STK38L: variants seen among roughly 807,000 people sequenced by gnomAD.
STK38L encodes the protein serine/threonine-protein kinase 38-like.
A neutral mutation model predicts 59.7 loss-of-function variants in STK38L; 28 were observed. The observed-to-expected ratio is 0.47, with a 90% confidence interval of 0.35 to 0.64. The LOEUF (loss-of-function observed/expected upper bound fraction) is 0.64. STK38L is among the 30% of genes least tolerant of loss of function. STK38L has a pLI of 0.01. For synonymous variants in STK38L, 162 were observed against 176.8 expected (o/e 0.92, Z 0.66); for missense variants, 314 against 555.8 (o/e 0.56, Z 4.37).
intron 1 of STK38L, among the ~76,000 whole-genome samples, chr12:27,284,327 C>T (rs1301805497): frequency 1.3e-5 from 2 of 152,134 alleles, no homozygotes; most frequent in African/African-American, 4.8e-5. Flanking sequence ...TGGACTAATC[C>T]AAGGTTTTCC....
intron 2 of STK38L, among the ~76,000 whole-genome samples, chr12:27,301,145 C>G (rs774405700): frequency 2.0e-5 from 3 of 152,224 alleles, no homozygotes; most frequent in Non-Finnish European, 4.4e-5. Context: ...CCACACTGCC[C>G]TTACCCCAGA....
At position 27,322,377 on chromosome 12, in the gene STK38L, C is replaced by T. The variant is rs762734139; in HGVS notation, c.1317C>T (p.Leu439=). Residue 439 remains leucine, a synonymous_variant, in exon 14 of 14, where the codon CTC becomes CTT. Coordinates refer to ENST00000389032, the MANE Select transcript of STK38L (RefSeq NM_015000.4). ...ACAAATCCAAAGACTGGGTTTTTCT[C>T]AATTATACCTATAAAAGGTTTGAAG... The part of the protein sequence containing the change: ...PDYKSKDWVF[L]NYTYKRFEGL... 1 of 1,614,014 alleles carries T rather than the reference C, an allele frequency of 6.2e-7. No homozygotes were observed. Among genetic ancestry groups the T allele is most frequent in the Non-Finnish European group, 8.5e-7 (1 of 1,179,948 alleles).
rs540099591 is a variant in STK38L at position 27,309,058 on chromosome 12, T to C, written c.310-56T>C. ...TGCTTTCTTTAAGGGAAGTTACTTT[T>C]CTTTCCTGAACAAATAGTAGTGACT... On this transcript the variant is annotated intron_variant, in intron 4 of 13. Coordinates refer to ENST00000389032, the MANE Select transcript of STK38L (RefSeq NM_015000.4). 8.9e-5 allele frequency: 116 copies of C among 1,299,340 alleles called. 4 individuals carry two copies. In the South Asian group the frequency reaches 2.2e-3, roughly 25 times the overall value. The allele number at this position is 1,299,340 out of a possible 1,614,324, so 80.5% of individuals were successfully genotyped here.
At chr12:27,267,586 A>AT in intron 1 of STK38L, among the ~76,000 whole-genome samples, 1 of 152,276 alleles carries the variant, frequency 6.6e-6, no homozygotes, top group East Asian at 1.9e-4. Context: ...GTGCAGGAGT[A>AT]TTTTTACAGT....
At chr12:27,265,536 T>C (rs1215432300) in intron 1 of STK38L, among the ~76,000 whole-genome samples, 1 of 152,230 alleles carries the variant, frequency 6.6e-6, no homozygotes, top group East Asian at 1.9e-4. Context: ...CTATGACTTC[T>C]GTAAGCAGAG....
chr12:27,252,511 A>G (rs942995510), intron 1 of STK38L, among the ~76,000 whole-genome samples: 4 of 152,234 alleles, frequency 2.6e-5, no homozygotes, highest in Admixed American at 6.5e-5. Flanking sequence ...CCATTGTGGA[A>G]ATACCACACC....
At chr12:27,299,363 G>A (rs558385225) in intron 2 of STK38L, among the ~76,000 whole-genome samples, 1 of 152,240 alleles carries the variant, frequency 6.6e-6, no homozygotes, top group East Asian at 1.9e-4. Context: ...GAGAAGACTT[G>A]ACATATCTCT....
chr12:27,276,430 T>C (rs1943539631), intron 1 of STK38L, among the ~76,000 whole-genome samples: 1 of 152,146 alleles, frequency 6.6e-6, no homozygotes, highest in African/African-American at 2.4e-5. Flanking sequence ...TGCTTTCTCC[T>C]TCTCTATGAA....
At chr12:27,245,291 G>A (rs1942825233) in intron 1 of STK38L, among the ~76,000 whole-genome samples, 1 of 152,172 alleles carries the variant, frequency 6.6e-6, no homozygotes, top group Admixed American at 6.5e-5. Context: ...CTTGTGATAA[G>A]TTTTGAGAGA....
At position 27,264,582 on chromosome 12, in the gene STK38L, G is replaced by A. The variant is rs1352736067; in HGVS notation, c.-12+20250G>A. Among the ~76,000 whole-genome samples the A allele has an allele frequency of 3.9e-5, 6 of 152,192 alleles. No individual in the cohort carries two copies. The South Asian group carries it at 8.3e-4, about 21-fold the overall frequency. ...ATTCAAACAACTGTGGAACAAAATT[G>A]TCAGAAAAAACAATACAACAATAAA... On this transcript the variant is annotated intron_variant, in intron 1 of 13. Coordinates refer to ENST00000389032, the MANE Select transcript of STK38L (RefSeq NM_015000.4).
At position 27,265,566 on chromosome 12, in the gene STK38L, C is replaced by CTAGAAGGT. The variant is rs542403362; in HGVS notation, c.-12+21237_-12+21244dup. Among the ~76,000 whole-genome samples the CTAGAAGGT allele has an allele frequency of 2.5e-3, 375 of 152,270 alleles. 3 individuals are homozygous for CTAGAAGGT. The highest frequency in any genetic ancestry group is 8.5e-3 in the African/African-American group (352 of 41,554). On this transcript the variant is annotated intron_variant, in intron 1 of 13. Coordinates refer to ENST00000389032, the MANE Select transcript of STK38L (RefSeq NM_015000.4). Reference sequence around the variant, plus strand: ...GCAGAGACCTCTGTATCCCCAGGACCTAGAAGGTTACCTGGACATAGTAGT... The same window carrying CTAGAAGGT: ...GCAGAGACCTCTGTATCCCCAGGACCTAGAAGGTTAGAAGGTTACCTGGACATAGTAGT...
chr12:27,304,371 T>C (rs1044544459), intron 3 of STK38L, among the ~76,000 whole-genome samples: 9 of 152,080 alleles, frequency 5.9e-5, no homozygotes, highest in Non-Finnish European at 1.2e-4. Context: ...CCTAGGACTG[T>C]AGCTGTTCCT....
intron 1 of STK38L, among the ~76,000 whole-genome samples, chr12:27,245,097 C>T (rs1264067666): frequency 6.6e-6 from 1 of 152,126 alleles, no homozygotes; most frequent in Non-Finnish European, 1.5e-5. Flanking sequence ...TCCCCTTTTA[C>T]TGGTGCTGCT....
intron 11 of STK38L, among the ~76,000 whole-genome samples, chr12:27,318,730 G>C (rs7138905): frequency 6.6e-6 from 1 of 152,084 alleles, no homozygotes; most frequent in Non-Finnish European, 1.5e-5. Flanking sequence ...AGCAGCTCAT[G>C]CCTGGAATCC....
rs138815171 is a variant in STK38L at position 27,298,802 on chromosome 12, A to G, written c.134+948A>G. Reference sequence around the variant, plus strand: ...AAATCACCAGGTCAGGCAGTGTCCAATTTCGCTCAAGCACAGGATGTGCTA... The same window carrying G: ...AAATCACCAGGTCAGGCAGTGTCCAGTTTCGCTCAAGCACAGGATGTGCTA... On this transcript the variant is annotated intron_variant, in intron 2 of 13. Coordinates refer to ENST00000389032, the MANE Select transcript of STK38L (RefSeq NM_015000.4). Among the ~76,000 whole-genome samples the G allele has an allele frequency of 1.0e-3, 159 of 152,322 alleles. 1 individual carries two copies. The highest frequency in any genetic ancestry group is 3.4e-3 in the African/African-American group (140 of 41,576).
chr12:27,259,547 C>T (rs1028420487), intron 1 of STK38L, among the ~76,000 whole-genome samples: 1 of 152,192 alleles, frequency 6.6e-6, no homozygotes, highest in Non-Finnish European at 1.5e-5. Flanking sequence ...CCTACCTCTC[C>T]AGGTAGAAAT....
intron 3 of STK38L, among the ~76,000 whole-genome samples, chr12:27,303,694 C>T (rs559644524): frequency 6.6e-6 from 1 of 152,010 alleles, no homozygotes; most frequent in East Asian, 1.9e-4. Context: ...GAAGATTTTT[C>T]CTCTAATTCA....
At chr12:27,314,694 A>T (rs1944542439) in intron 7 of STK38L, 36 bp downstream of exon 7, 1 of 1,551,392 alleles carries the variant, frequency 6.4e-7, no homozygotes, top group Non-Finnish European at 8.7e-7. Context: ...TAGGCTGTTG[A>T]TTATTTTTTA....
intron 3 of STK38L, among the ~76,000 whole-genome samples, chr12:27,303,614 AGAGT>A (rs745446909): frequency 3.9e-5 from 6 of 152,226 alleles, no homozygotes; most frequent in Admixed American, 6.5e-5. Context: ...TAGGAGAGGG[AGAGT>A]GAGTGAGTGT....
Sources: gnomAD v4.1 joint callset for allele counts (sites outside exome capture counted in the v4.1 genomes callset) on GRCh38, gnomAD v4.1.1 for gene constraint, MANE v1.5 for transcripts, NCBI Gene and HGNC (gene_info 2026-07-23, HGNC 2026-07-21) for gene names.